The following ZNF444 variants were observed in gnomAD, a reference collection of about 807,000 sequenced individuals.
ZNF444 encodes the protein endothelial zinc finger protein 2.
ZNF444 carries 8 observed loss-of-function variants against 14.4 expected under a neutral mutation model. That is an observed-to-expected ratio of 0.56 (90% CI 0.33 to 1.00). ZNF444 has a LOEUF of 1.00. Among genes scored for constraint, ZNF444 ranks in the 50% least tolerant of loss-of-function variants. The pLI, the probability that ZNF444 is intolerant of heterozygous loss-of-function variation, is 0.03. For missense variants in ZNF444, 510 were observed against 504.8 expected (o/e 1.01, Z -0.10); for synonymous variants, 258 against 235.9 (o/e 1.09, Z -0.86).
In ZNF444 at chr19:56,147,028, G is replaced by T; in HGVS notation, c.117G>T (p.Gly39=). ...CGCCGGGCCCGCGGGAGGCGCTGGG[G>T]CTGCTCCGCGCCCTGTGCCGGGACT... ...GDAPGPREAL[G]LLRALCRDWL... The change falls in exon 3 of 5, where the codon GGG becomes GGT. Residue 39 remains glycine (G), a synonymous_variant. Coordinates refer to ENST00000337080, the MANE Select transcript of ZNF444 (RefSeq NM_018337.4). This position sits in a 1 kb window ranked among gnomAD's most constrained non-coding sequence, Gnocchi z 5.9. 7.3e-6 allele frequency: 11 copies of T among 1,508,456 alleles called. No homozygotes were observed. The highest frequency in any genetic ancestry group is 8.8e-6 in the Non-Finnish European group (10 of 1,137,684). 93.4% of individuals were successfully genotyped at this position (1,508,456 alleles called of 1,614,324 possible).
chr19:56,150,790 C>T (rs939253684), intron 3 of ZNF444, among the ~76,000 whole-genome samples: 2 of 145,312 alleles, frequency 1.4e-5, no homozygotes, highest in Non-Finnish European at 3.0e-5. Context: ...TGGGAGCTGA[C>T]GGTGACGCAT....
At chr19:56,134,888 A>G (rs912856375) in intron 1 of ZNF444, among the ~76,000 whole-genome samples, 2 of 151,994 alleles carry the variant, frequency 1.3e-5, no homozygotes, top group African/African-American at 2.4e-5. Flanking sequence ...AGGCTGACGC[A>G]GGAGGATCTC....
At chr19:56,137,608 C>T (rs1483222868), upstream of ZNF444, among the ~76,000 whole-genome samples, 2 of 152,164 alleles carry the variant, frequency 1.3e-5, no homozygotes, top group Non-Finnish European at 2.9e-5. Context: ...GAAGAGGTGG[C>T]TGGAATATTC....
At chr19:56,158,728 G>A (rs769121215) in intron 4 of ZNF444, 126 bp downstream of exon 4, 43 of 880,616 alleles carry the variant, frequency 4.9e-5, no homozygotes, top group Middle Eastern at 3.6e-4. Context: ...GAGGAGCCCC[G>A]GGGTTCGGAC....
rs566678113 is a variant in ZNF444 at position 56,160,183 on chromosome 19, G to T, written c.966G>T (p.Pro322=). Residue 322 remains proline (P), a synonymous_variant, in exon 5 of 5, where the codon CCG becomes CCT. Transcript: ENST00000337080. ...GCCCGGATGGTGGAGGCCCCTTCCCGCCCTGGCCCTTGGGTTAGCCGCCTC... is the reference window on the plus strand; with the variant it reads ...GCCCGGATGGTGGAGGCCCCTTCCCTCCCTGGCCCTTGGGTTAGCCGCCTC... The part of the protein sequence containing the change: ...APGPDGGGPF[P]PWPLG The T allele has an allele frequency of 5.1e-5, 74 of 1,464,312 alleles. No homozygotes were observed. The highest frequency in any genetic ancestry group is 1.3e-5 in the Non-Finnish European group (14 of 1,118,344). 90.7% of individuals were successfully genotyped at this position (1,464,312 alleles called of 1,614,324 possible). A position where few individuals can be genotyped will look rare whatever the true frequency, so the allele number is the denominator to read the frequency against.
chr19:56,159,488 AAGCCCAC>A (rs1172566047), intron 4 of ZNF444, 129 bp from the exon 5 acceptor site: 2 of 696,498 alleles, frequency 2.9e-6, no homozygotes, highest in Non-Finnish European at 4.4e-6. Flanking sequence ...TATGAATAAG[AAGCCCAC>A]AGCCCAGCCC....
At chr19:56,157,976 A>G (rs1166190509) in intron 3 of ZNF444, 2 of 152,096 alleles carry the variant, frequency 1.3e-5, no homozygotes, top group Admixed American at 6.6e-5. Context: ...ACACCAAGAA[A>G]AGTTGTTTCT....
rs567447606 is a variant in ZNF444 at position 56,158,212 on chromosome 19, C to T, written c.298-282C>T. The T allele has an allele frequency of 1.3e-4, 37 of 294,982 alleles. No individual in the cohort carries two copies. In the Middle Eastern group the frequency reaches 2.7e-3, roughly 22 times the overall value. 18.3% of individuals were successfully genotyped at this position (294,982 alleles called of 1,614,324 possible). ...GGAGTCTGTGAGTGGCTTGGGCACGCGGACCTGGCCCAGGGTCTCCTGTGA... is the reference window on the plus strand; with the variant it reads ...GGAGTCTGTGAGTGGCTTGGGCACGTGGACCTGGCCCAGGGTCTCCTGTGA... On this transcript the variant is annotated intron_variant, in intron 3 of 4. Transcript: ENST00000337080.
In ZNF444 at chr19:56,145,097, C is replaced by G. The variant is rs954600615; in HGVS notation, c.-196-1150C>G. 1.3e-5 allele frequency among the ~76,000 whole-genome samples: 2 copies of G among 152,240 alleles called. No individual in the cohort carries two copies. The highest frequency in any genetic ancestry group is 2.4e-5 in the African/African-American group (1 of 41,460). ...GTGCGCCAGTGAGACTTAAGTAAAACAGGCTGCAGGCCAGATTCGGCCCAC... is the reference window on the plus strand; with the variant it reads ...GTGCGCCAGTGAGACTTAAGTAAAAGAGGCTGCAGGCCAGATTCGGCCCAC... On this transcript the variant is annotated intron_variant, in intron 1 of 4. Transcript: ENST00000337080. The surrounding 1 kb of genome is among the most constrained non-coding windows in gnomAD (Gnocchi z 4.3).
chr19:56,148,463 G>C (rs538698927), intron 3 of ZNF444, among the ~76,000 whole-genome samples: 1 of 152,228 alleles, frequency 6.6e-6, no homozygotes, highest in East Asian at 1.9e-4. Flanking sequence ...GGCAAAGCGA[G>C]CAAAGCCTTC....
chr19:56,153,048 AT>A (rs555522271), intron 3 of ZNF444, among the ~76,000 whole-genome samples: 1 of 151,686 alleles, frequency 6.6e-6, no homozygotes, highest in South Asian at 2.1e-4. Context: ...AGACTTTCAC[AT>A]TTTTTTTAAA....
intron 3 of ZNF444, among the ~76,000 whole-genome samples, chr19:56,153,883 A>G (rs919297089): frequency 3.9e-5 from 6 of 152,230 alleles, no homozygotes; most frequent in African/African-American, 7.2e-5. Context: ...TAGCTGTTCA[A>G]TGTAGAAGCC....
At chr19:56,143,842 G>C (rs976353304) in intron 1 of ZNF444, among the ~76,000 whole-genome samples, 3 of 152,172 alleles carry the variant, frequency 2.0e-5, no homozygotes, top group Non-Finnish European at 4.4e-5. Flanking sequence ...CGTGGGTGCA[G>C]CATCGGAGGG....
At position 56,160,820 on chromosome 19, in the gene ZNF444, C is replaced by T. The variant is rs1481655854; in HGVS notation, c.*619C>T. The T allele has an allele frequency of 6.5e-6, 1 of 152,992 alleles. No homozygotes were observed. The highest frequency in any genetic ancestry group is 1.5e-5 in the Non-Finnish European group (1 of 68,408). 9.5% of individuals were successfully genotyped at this position (152,992 alleles called of 1,614,324 possible). On this transcript the variant is annotated 3_prime_UTR_variant, in exon 5 of 5. Transcript: ENST00000337080. ...GCATGGGATGGACAGAGATGCCTGC[C>T]CCCGTGAAGCTGGTTGGGGAGGGCA...
chr19:56,151,994 T>A, intron 3 of ZNF444: 1 of 447,382 alleles, frequency 2.2e-6, no homozygotes, highest in Non-Finnish European at 4.5e-6. Context: ...GAGGAGAGGC[T>A]CCTGTACTGG....
At position 56,147,444 on chromosome 19, in the gene ZNF444, C is replaced by A. The variant is rs186409231; in HGVS notation, c.297+236C>A. On this transcript the variant is annotated intron_variant, in intron 3 of 4. Transcript: ENST00000337080. The surrounding 1 kb of genome is among the most constrained non-coding windows in gnomAD (Gnocchi z 5.9). ...AGACCCTGGCATACTTGCGAGTTCT[C>A]TAGGACTCACAGCCGTGTTCACGGT... Among the ~76,000 whole-genome samples, 1 of 152,296 alleles carries A rather than the reference C, an allele frequency of 6.6e-6. No homozygotes were observed. Among genetic ancestry groups the A allele is most frequent in the East Asian group, 1.9e-4 (1 of 5,182 alleles).
intron 3 of ZNF444, chr19:56,154,180 TGA>T (rs1030602346): frequency 1.3e-5 from 2 of 152,140 alleles, no homozygotes; most frequent in African/African-American, 4.8e-5. Context: ...GTGGCAGATG[TGA>T]GAGTCTGGAA....
chr19:56,137,291 C>T (rs946076123), upstream of ZNF444, among the ~76,000 whole-genome samples: 3 of 150,460 alleles, frequency 2.0e-5, no homozygotes, highest in African/African-American at 4.9e-5. Context: ...GCCAACATGG[C>T]AAAACCCCGT....
intron 3 of ZNF444, chr19:56,150,437 C>T: frequency 2.8e-6 from 1 of 353,866 alleles, no homozygotes; most frequent in Non-Finnish European, 5.5e-6. Context: ...CTCACTGTGG[C>T]TCTGGGATGT....
Sources: allele counts gnomAD v4.1 joint callset (sites outside exome capture counted in the v4.1 genomes callset), GRCh38; gene constraint gnomAD v4.1.1; non-coding constraint Gnocchi (gnomAD v3.1); transcripts MANE v1.5; gene names NCBI Gene and HGNC (gene_info 2026-07-23, HGNC 2026-07-21).